The following RPUSD3 variants were observed in gnomAD, a reference collection of about 807,000 sequenced individuals.
RPUSD3 encodes the protein mitochondrial mRNA pseudouridine synthase RPUSD3.
RPUSD3 carries 36 observed loss-of-function variants against 35.1 expected under a neutral mutation model. That is an observed-to-expected ratio of 1.02 (90% confidence interval 0.79 to 1.35). The LOEUF (loss-of-function observed/expected upper bound fraction) is 1.35. Ranked by LOEUF, RPUSD3 falls within the 40% of genes most tolerant of loss-of-function variation. The pLI is 0.00. For synonymous variants in RPUSD3, 202 were observed against 187.8 expected (o/e 1.08, Z -0.62); for missense variants, 486 against 441.9 (o/e 1.10, Z -0.89).
At chr3:9,842,152 C>G in intron 3 of RPUSD3, 47 bp downstream of exon 3, 2 of 1,613,356 alleles carry the variant, frequency 1.2e-6, no homozygotes, top group South Asian at 1.1e-5. Context: ...CCCTCAGTCA[C>G]GAAACCCCCT....
intron 7 of RPUSD3, chr3:9,839,388 G>A: frequency 2.0e-6 from 1 of 501,540 alleles, no homozygotes; most frequent in Non-Finnish European, 3.5e-6. Context: ...ATCCACTCAT[G>A]ATGAGATGCA....
At chr3:9,842,160 C>G in intron 3 of RPUSD3, 39 bp downstream of exon 3, 1 of 1,613,928 alleles carries the variant, frequency 6.2e-7, no homozygotes, top group Non-Finnish European at 8.5e-7. Flanking sequence ...CACGAAACCC[C>G]CTTCCGCTGC....
At chr3:9,839,939 G>A (rs182450831) in intron 7 of RPUSD3, 19 of 406,186 alleles carry the variant, frequency 4.7e-5, no homozygotes, top group Non-Finnish European at 8.0e-5. Flanking sequence ...GGAGTGCAGT[G>A]GCATGATCTT....
intron 8 of RPUSD3, among the ~76,000 whole-genome samples, chr3:9,838,476 G>A (rs2082057066): frequency 6.6e-6 from 1 of 152,176 alleles, no homozygotes; most frequent in Admixed American, 6.5e-5. Flanking sequence ...GGTGAGACGT[G>A]AGTGAGCTCT....
rs2082094241 is a variant in RPUSD3, at chr3:9,840,911, G to A, written c.408-106C>T. 5 of 726,042 alleles carry A rather than the reference G, an allele frequency of 6.9e-6. No individual in the cohort carries two copies. In the Admixed American group the frequency reaches 8.3e-5, roughly 12 times the overall value. 45.0% of individuals were successfully genotyped at this position (726,042 alleles called of 1,614,324 possible). ...TGCTTCAGGCCAAACACTAACACCAGGACTATAACCTAGACCAACTCCTGA... is the reference window on the plus strand; with the variant it reads ...TGCTTCAGGCCAAACACTAACACCAAGACTATAACCTAGACCAACTCCTGA... On this transcript the variant is annotated intron_variant, in intron 4 of 8. Coordinates refer to ENST00000383820, the Ensembl canonical transcript of RPUSD3.
At position 9,843,497 on chromosome 3, in the gene RPUSD3, T is replaced by G. The variant is rs930269282; in HGVS notation, c.230A>C (p.Asp77Ala). 6.2e-7 allele frequency: 1 copy of G among 1,613,964 alleles called. No individual in the cohort carries two copies. The highest frequency in any genetic ancestry group is 8.5e-7 in the Non-Finnish European group (1 of 1,179,984). ...GTCCACCACGGCTGCCCGCAGCGCA[T>G]CAACCAGCTCCTCCCGACTGAGGTT... is the stretch of plus-strand genomic sequence containing the variant. The change falls in exon 2 of 9, where the codon GAT becomes GCT. Residue 77 changes from aspartate (D) to alanine (A), a missense_variant. Coordinates refer to ENST00000383820, the Ensembl canonical transcript of RPUSD3.
At chr3:9,843,410 C>T in intron 2 of RPUSD3, 55 bp downstream of exon 2, 2 of 1,604,088 alleles carry the variant, frequency 1.2e-6, no homozygotes, top group African/African-American at 2.7e-5. Context: ...AGCCCAACTG[C>T]ACGCCGAGGC....
intron 2 of RPUSD3, 48 bp from the exon 3 acceptor site, chr3:9,842,291 T>C (rs1231481490): frequency 6.3e-7 from 1 of 1,582,896 alleles, no homozygotes. Context: ...GGTAACCCTT[T>C]ATGCAGCACT....
intron 2 of RPUSD3, 93 bp from the exon 3 acceptor site, chr3:9,842,336 G>T: frequency 8.3e-7 from 1 of 1,202,482 alleles, no homozygotes; most frequent in Non-Finnish European, 1.2e-6. Flanking sequence ...ACGCATCTTA[G>T]CACATGTCCC....
At chr3:9,841,437 C>T (rs1427647411) in intron 4 of RPUSD3, 2 of 154,308 alleles carry the variant, frequency 1.3e-5, no homozygotes, top group Non-Finnish European at 2.9e-5. Flanking sequence ...ATCTCAGCCA[C>T]CCGAGCACTA....
exon 2 of RPUSD3, chr3:9,843,520 G>A (rs776988954): frequency 5.6e-6 from 9 of 1,613,914 alleles, no homozygotes; most frequent in Non-Finnish European, 7.6e-6. Flanking sequence ...CCCGACTGAG[G>A]TTTTTTGGCA....
intron 7 of RPUSD3, 89 bp from the exon 8 acceptor site, chr3:9,839,260 C>G: frequency 2.1e-6 from 3 of 1,447,884 alleles, no homozygotes; most frequent in Non-Finnish European, 2.8e-6. Context: ...TTTGGGGAAA[C>G]ACCACCCCCT....
intron 7 of RPUSD3, chr3:9,839,944 G>C (rs1009539270): frequency 9.6e-6 from 4 of 415,356 alleles, no homozygotes; most frequent in Non-Finnish European, 1.8e-5. Flanking sequence ...GCAGTGGCAT[G>C]ATCTTGGCTC....
At chr3:9,841,589 G>A in intron 4 of RPUSD3, 1 of 163,764 alleles carries the variant, frequency 6.1e-6, no homozygotes, top group Non-Finnish European at 1.3e-5. Flanking sequence ...CTCCCACCTC[G>A]GCCTCCCAAA....
Position 9,843,452 on chromosome 3 carries a change from T to A in RPUSD3, c.262+13A>T, listed in dbSNP as rs1199357287. 4 of 1,613,546 alleles carry A rather than the reference T, an allele frequency of 2.5e-6. No homozygotes were observed. The highest frequency in any genetic ancestry group is 1.3e-5 in the African/African-American group (1 of 75,000). On this transcript the variant is annotated intron_variant, in intron 2 of 8. Coordinates refer to ENST00000383820, the Ensembl canonical transcript of RPUSD3. The stretch of plus-strand genomic sequence containing the variant: ...CTCCCGGTCCTTGTGCGGCCGTGCC[T>A]CTCACCCCTCACCTTTCCGGTCCAC...
intron 7 of RPUSD3, 80 bp from the exon 8 acceptor site, chr3:9,839,251 T>C (rs1262001151): frequency 6.7e-6 from 10 of 1,500,132 alleles, no homozygotes; most frequent in South Asian, 2.6e-5. Context: ...CCCTTTTCCT[T>C]TGGGGAAACA....
chr3:9,841,811 C>T, intron 4 of RPUSD3, 172 bp downstream of exon 4: 1 of 604,666 alleles, frequency 1.7e-6, no homozygotes, highest in Non-Finnish European at 2.9e-6. Flanking sequence ...ACCATTTGTA[C>T]TTGAGGATTT....
At chr3:9,838,974 C>T in intron 8 of RPUSD3, 58 bp downstream of exon 8, 5 of 1,610,920 alleles carry the variant, frequency 3.1e-6, no homozygotes, top group Non-Finnish European at 4.2e-6. Flanking sequence ...GGAGATGCTG[C>T]CCATGCTCAC....
intron 8 of RPUSD3, 59 bp downstream of exon 8, chr3:9,838,973 G>A (rs1212329273): frequency 6.2e-7 from 1 of 1,610,356 alleles, no homozygotes; most frequent in Non-Finnish European, 8.5e-7. Flanking sequence ...TGGAGATGCT[G>A]CCCATGCTCA....
Sources: allele counts gnomAD v4.1 joint callset (sites outside exome capture counted in the v4.1 genomes callset), GRCh38; gene constraint gnomAD v4.1.1; transcripts MANE v1.5; gene names NCBI Gene and HGNC (gene_info 2026-07-23, HGNC 2026-07-21).